The following GEMIN2 variants were observed in gnomAD, a reference collection of about 807,000 sequenced individuals.
GEMIN2 encodes the protein gem nuclear organelle associated protein 2.
GEMIN2 carries 37 observed loss-of-function variants against 45.8 expected under a neutral mutation model. The ratio of observed to expected loss-of-function variants is 0.81; its 90% CI spans 0.62 to 1.06. GEMIN2 has a LOEUF of 1.06. Ranked by LOEUF, GEMIN2 falls within the 50% of genes least tolerant of loss-of-function variation. The pLI, the probability that GEMIN2 is intolerant of heterozygous loss-of-function variation, is 0.00. For synonymous variants in GEMIN2, 101 were observed against 111.5 expected (o/e 0.91, Z 0.60); for missense variants, 335 against 321.8 (o/e 1.04, Z -0.31).
intron 4 of GEMIN2, among the ~76,000 whole-genome samples, chr14:39,122,214 C>G (rs2052581508): frequency 6.6e-6 from 1 of 152,104 alleles, no homozygotes; most frequent in East Asian, 1.9e-4. Flanking sequence ...TTAATCACTT[C>G]TTTAAAGGCC....
chr14:39,123,511 G>A (rs2052599697), intron 5 of GEMIN2, among the ~76,000 whole-genome samples: 1 of 151,154 alleles, frequency 6.6e-6, no homozygotes, highest in South Asian at 2.1e-4. Context: ...GTAACATATT[G>A]GCCAAGAAAG....
chr14:39,131,889 T>C, intron 7 of GEMIN2, 69 bp from the exon 8 acceptor site: 1 of 773,118 alleles, frequency 1.3e-6, no homozygotes, highest in South Asian at 1.5e-5. Flanking sequence ...GGCATAACAT[T>C]GGACATTTAA....
chr14:39,126,698 T>G (rs572436505), intron 6 of GEMIN2, among the ~76,000 whole-genome samples: 1 of 152,362 alleles, frequency 6.6e-6, no homozygotes, highest in South Asian at 2.1e-4. Flanking sequence ...CCACCTAAAT[T>G]TTTATTCAGA....
chr14:39,133,394 A>T (rs976096059), intron 8 of GEMIN2, among the ~76,000 whole-genome samples: 11 of 149,970 alleles, frequency 7.3e-5, no homozygotes, highest in African/African-American at 2.7e-4. Context: ...AACCAGGGAA[A>T]AATTTCCCCC....
chr14:39,116,561 C>T (rs566565794), intron 2 of GEMIN2, among the ~76,000 whole-genome samples: 87 of 152,116 alleles, frequency 5.7e-4, no homozygotes, highest in African/African-American at 1.6e-3. Flanking sequence ...GGACTACAGG[C>T]GCCTGGGAGA....
In GEMIN2 at chr14:39,136,580, C is replaced by A; in HGVS notation, c.*101C>A. On this transcript the variant is annotated 3_prime_UTR_variant, in exon 10 of 10. Transcript: ENST00000308317. ...AGTACAGATTTCAACACATCTTCAA[C>A]ACTATGTGAAGGGTTCACATCTTAA... 1.1e-6 allele frequency: 1 copy of A among 893,818 alleles called. No homozygotes were observed. The highest frequency in any genetic ancestry group is 1.9e-6 in the Non-Finnish European group (1 of 537,800). The allele number at this position is 893,818 out of a possible 1,614,324, so 55.4% of individuals were successfully genotyped here.
chr14:39,129,408 A>AT (rs929753028), intron 7 of GEMIN2, among the ~76,000 whole-genome samples: 1 of 151,864 alleles, frequency 6.6e-6, no homozygotes, highest in Non-Finnish European at 1.5e-5. Context: ...GTATTTATTT[A>AT]TTTTTTATTT....
chr14:39,116,969 C>T (rs2052516512), intron 2 of GEMIN2, among the ~76,000 whole-genome samples: 1 of 152,068 alleles, frequency 6.6e-6, no homozygotes, highest in Non-Finnish European at 1.5e-5. Context: ...GCTGTATGTG[C>T]TCTTTTAGAA....
rs772043315 is a variant in GEMIN2, at chr14:39,114,896, C to A, written c.205C>A (p.Gln69Lys). The change falls in exon 2 of 10, where the codon CAA becomes AAA. Residue 69 changes from glutamine (Q) to lysine (K), a missense_variant. Coordinates refer to ENST00000308317, the MANE Select transcript of GEMIN2 (RefSeq NM_003616.3). ...TGACCCAAAGAAGTTGAAAAGGAAGCAAAGTGTGAATATTTCTGTGAGTTT... is the reference window on the plus strand; with the variant it reads ...TGACCCAAAGAAGTTGAAAAGGAAGAAAAGTGTGAATATTTCTGTGAGTTT... ...QIDPKKLKRK[Q>K]SVNISLSGCQ... is the part of the protein sequence containing the mutation. 7 of 1,531,086 alleles carry A rather than the reference C, an allele frequency of 4.6e-6. No homozygotes were observed. The highest frequency in any genetic ancestry group is 2.2e-5 in the East Asian group (1 of 44,512). 94.8% of individuals were successfully genotyped at this position (1,531,086 alleles called of 1,614,324 possible). A position where few individuals can be genotyped will look rare whatever the true frequency, so the allele number is the denominator to read the frequency against.
At chr14:39,117,804 C>T (rs142590727) in intron 2 of GEMIN2, among the ~76,000 whole-genome samples, 195 bp from the exon 3 acceptor site, 233 of 152,262 alleles carry the variant, frequency 1.5e-3, no homozygotes, top group African/African-American at 5.3e-3. Context: ...AGGCTCTTTC[C>T]CTAATATTTT....
At position 39,114,353 on chromosome 14, in the gene GEMIN2, A is replaced by G. The variant is rs117670655; in HGVS notation, c.15A>G (p.Pro5=). 1.9e-6 allele frequency: 3 copies of G among 1,614,000 alleles called. No individual in the cohort carries two copies. The highest frequency in any genetic ancestry group is 2.5e-6 in the Non-Finnish European group (3 of 1,179,876). MAWV[P]AESAVEELMP... ...GTTTGAAAACCATGGCGTGGGTACC[A>G]GCGGAGTCCGCAGTGGAAGAGTTGA... The change falls in exon 1 of 10, where the codon CCA becomes CCG. Residue 5 remains proline (P), a synonymous_variant. Coordinates refer to ENST00000308317, the MANE Select transcript of GEMIN2 (RefSeq NM_003616.3).
chr14:39,125,703 C>T (rs2052631140), intron 6 of GEMIN2, among the ~76,000 whole-genome samples: 1 of 152,112 alleles, frequency 6.6e-6, no homozygotes, highest in Admixed American at 6.6e-5. Context: ...ATTTCTAGTT[C>T]TAGATGTCCT....
chr14:39,130,009 C>T (rs1416036512), intron 7 of GEMIN2, among the ~76,000 whole-genome samples: 5 of 138,484 alleles, frequency 3.6e-5, no homozygotes, highest in African/African-American at 5.5e-5. Flanking sequence ...GGTGCCATCT[C>T]GGCTCACTGC....
At position 39,136,522 on chromosome 14, in the gene GEMIN2, C is replaced by T. The variant is rs1271786392; in HGVS notation, c.*43C>T. 18 of 1,515,350 alleles carry T rather than the reference C, an allele frequency of 1.2e-5. No individual in the cohort carries two copies. The highest frequency in any genetic ancestry group is 1.5e-5 in the Non-Finnish European group (16 of 1,095,758). 93.9% of individuals were successfully genotyped at this position (1,515,350 alleles called of 1,614,324 possible). A position where few individuals can be genotyped will look rare whatever the true frequency, so the allele number is the denominator to read the frequency against. On this transcript the variant is annotated 3_prime_UTR_variant, in exon 10 of 10. Transcript: ENST00000308317. Reference sequence around the variant, plus strand: ...GGATAGAAGATATTTCTCATGAAGGCAGCCTAACTCTGAGGAAAACAATGC... The same window carrying T: ...GGATAGAAGATATTTCTCATGAAGGTAGCCTAACTCTGAGGAAAACAATGC...
chr14:39,130,330 A>G (rs566972213), intron 7 of GEMIN2, among the ~76,000 whole-genome samples: 2 of 152,152 alleles, frequency 1.3e-5, no homozygotes, highest in African/African-American at 4.8e-5. Context: ...TTTTGTCCTA[A>G]TATTTTTTAG....
At position 39,114,850 on chromosome 14, in the gene GEMIN2, A is replaced by G; in HGVS notation, c.159A>G (p.Pro53=). 6.4e-7 allele frequency: 1 copy of G among 1,565,326 alleles called. No homozygotes were observed. ...RRVQIEAAQC[P]DVVVAQIDPK... Reference sequence around the variant, plus strand: ...GTAGGATCGAAGCAGCTCAATGTCCAGATGTTGTGGTAGCTCAAATTGACC... The same window carrying G: ...GTAGGATCGAAGCAGCTCAATGTCCGGATGTTGTGGTAGCTCAAATTGACC... Residue 53 remains proline, a synonymous_variant, in exon 2 of 10, where the codon CCA becomes CCG. Coordinates refer to ENST00000308317, the MANE Select transcript of GEMIN2 (RefSeq NM_003616.3).
In GEMIN2 at chr14:39,117,651, G is replaced by A. The variant is rs1208087860; in HGVS notation, c.223-348G>A. 2.0e-5 allele frequency among the ~76,000 whole-genome samples: 3 copies of A among 152,056 alleles called. No homozygotes were observed. The East Asian group carries it at 5.8e-4, about 29-fold the overall frequency. On this transcript the variant is annotated intron_variant, in intron 2 of 9. Transcript: ENST00000308317. ...TATTTCATACCAGAATTCTTTATTT[G>A]TGGTATATCTCTCTTTTTGTTTCTG...
intron 5 of GEMIN2, 151 bp downstream of exon 5, chr14:39,122,694 A>C: frequency 2.1e-6 from 1 of 468,646 alleles, no homozygotes. Context: ...GTTTTGAAAG[A>C]GTAAAAAAGA....
intron 5 of GEMIN2, among the ~76,000 whole-genome samples, chr14:39,123,705 TATA>T (rs201038619): frequency 0.029 from 1,425 of 49,468 alleles, 31 homozygotes; most frequent in Non-Finnish European, 0.048. Context: ...TATATATATA[TATA>T]TTTTTTTTTT....
Sources: allele counts gnomAD v4.1 joint callset (sites outside exome capture counted in the v4.1 genomes callset), GRCh38; gene constraint gnomAD v4.1.1; transcripts MANE v1.5; gene names NCBI Gene and HGNC (gene_info 2026-07-23, HGNC 2026-07-21).